Variants in NAV3 observed in about 807,000 individuals in gnomAD.
The protein encoded by NAV3 is pore membrane and/or filament interacting like protein 1.
In NAV3, 87 loss-of-function variants were observed where a neutral mutation model predicts 244.7. That is an observed-to-expected ratio of 0.36 (90% CI 0.30 to 0.42). The LOEUF (loss-of-function observed/expected upper bound fraction) is 0.42. NAV3 is among the 20% of genes least tolerant of loss of function. The pLI is 1.00. For missense variants in NAV3, 2,663 were observed against 2,893.3 expected, an observed-to-expected ratio of 0.92 and a Z score of 1.83; for synonymous variants, 1,126 against 1,042.2, an observed-to-expected ratio of 1.08 and a Z score of -1.55.
intron 9 of NAV3, among the ~76,000 whole-genome samples, chr12:78,026,646 CAATATTGAACT>C (rs1878107723): frequency 6.6e-6 from 1 of 152,042 alleles, no homozygotes; most frequent in South Asian, 2.1e-4. Context: ...TTAGATGACA[CAATATTGAACT>C]AACTATAAGA....
intron 2 of NAV3, among the ~76,000 whole-genome samples, chr12:77,671,591 G>A (rs1180938380): frequency 6.6e-6 from 1 of 152,116 alleles, no homozygotes; most frequent in Non-Finnish European, 1.5e-5. Flanking sequence ...ACAGAGTAGC[G>A]ATTCCAGAAA....
intron 2 of NAV3, among the ~76,000 whole-genome samples, chr12:77,805,332 A>G (rs1048202574): frequency 6.6e-6 from 1 of 152,118 alleles, no homozygotes; most frequent in African/African-American, 2.4e-5. Context: ...TTAGTTTGAG[A>G]TATGTTCCAT....
chr12:77,998,515 T>A, intron 7 of NAV3, 39 bp downstream of exon 7: 1 of 1,558,710 alleles, frequency 6.4e-7, no homozygotes, highest in Non-Finnish European at 8.7e-7. Flanking sequence ...AAGTCCAACA[T>A]GAGTCTTGTG....
At position 77,585,963 on chromosome 12, in the gene NAV3, C is replaced by T. The variant is rs190058449; in HGVS notation, c.72+13697C>T. Among the ~76,000 whole-genome samples, 379 of 152,256 alleles carry T rather than the reference C, an allele frequency of 2.5e-3. 2 individuals carry two copies. Among genetic ancestry groups the T allele is most frequent in the Non-Finnish European group, 2.8e-3 (188 of 68,010 alleles). On this transcript the variant is annotated intron_variant, in intron 2 of 8. Transcript: ENST00000550042. ...GGATCACGAGGTCAGGAGATCGAGA[C>T]CATCCTGGCGAACATGGTGAGACCC...
At chr12:78,150,891 G>C (rs956511381) in intron 22 of NAV3, among the ~76,000 whole-genome samples, 1 of 151,934 alleles carries the variant, frequency 6.6e-6, no homozygotes, top group Non-Finnish European at 1.5e-5. Flanking sequence ...CCAACAAAGG[G>C]TGAAAACAGG....
At chr12:77,884,265 A>T (rs1320347575) in intron 1 of NAV3, among the ~76,000 whole-genome samples, 5 of 152,130 alleles carry the variant, frequency 3.3e-5, no homozygotes, top group African/African-American at 1.2e-4. Flanking sequence ...GACAGATTAG[A>T]TGATGATTGA....
At chr12:77,815,756 C>G (rs985780343) in intron 2 of NAV3, among the ~76,000 whole-genome samples, 4 of 152,078 alleles carry the variant, frequency 2.6e-5, no homozygotes, top group African/African-American at 9.7e-5. Context: ...CCTTTCTGAA[C>G]AGTACACTGT....
chr12:78,041,356 G>A lies in NAV3; in HGVS notation c.2024-8637G>A, dbSNP rs1232056895. 3.3e-5 allele frequency among the ~76,000 whole-genome samples: 5 copies of A among 152,276 alleles called. No homozygotes were observed. In the East Asian group the frequency reaches 7.7e-4, roughly 23 times the overall value. On this transcript the variant is annotated intron_variant, in intron 9 of 39. Transcript: ENST00000397909. ...AAATTTACAGGCTGGCAGCACAATG[G>A]TGGCTGTTTCGTCAACCACCCAAAG... is the stretch of plus-strand genomic sequence containing the variant.
intron 30 of NAV3, among the ~76,000 whole-genome samples, chr12:78,182,561 A>G (rs1958543764): frequency 6.6e-6 from 1 of 151,960 alleles, no homozygotes; most frequent in African/African-American, 2.4e-5. Flanking sequence ...ACACATATAA[A>G]AAAAACTTAG....
rs113621704 is a variant in NAV3, at chr12:77,758,998, T to C, written c.73-181321T>C. Reference sequence around the variant, plus strand: ...TTCATAATTATTCTTTCAAAGCTGATGTGGTCTCAATTTGGGCTGGCCCCA... The same window carrying C: ...TTCATAATTATTCTTTCAAAGCTGACGTGGTCTCAATTTGGGCTGGCCCCA... On this transcript the variant is annotated intron_variant, in intron 2 of 8. Transcript: ENST00000550042. Among the ~76,000 whole-genome samples, 501 of 152,324 alleles carry C rather than the reference T, an allele frequency of 3.3e-3. 3 individuals carry two copies. The highest frequency in any genetic ancestry group is 0.024 in the Middle Eastern group (7 of 294).
chr12:78,128,577 T>C (rs1043310434), intron 17 of NAV3, 129 bp from the exon 18 acceptor site: 16 of 912,866 alleles, frequency 1.8e-5, no homozygotes, highest in Non-Finnish European at 2.4e-5. Context: ...AACTGAGCAA[T>C]TATAATTAGA....
chr12:77,959,151 T>C (rs1891640017), intron 3 of NAV3, among the ~76,000 whole-genome samples: 1 of 152,162 alleles, frequency 6.6e-6, no homozygotes, highest in African/African-American at 2.4e-5. Context: ...TAGTTGGAAG[T>C]TGTAATTTAC....
intron 18 of NAV3, among the ~76,000 whole-genome samples, chr12:78,134,469 T>C (rs1224890763): frequency 6.6e-6 from 1 of 152,204 alleles, no homozygotes; most frequent in African/African-American, 2.4e-5. Context: ...TATATCCAGA[T>C]TCTACAAAAT....
In NAV3 at chr12:78,177,263, T is replaced by C; in HGVS notation, c.5247T>C (p.Asn1749=). ...CGGCATCCCCCAAGTTACCCCATAATGCTGGTGACTGTGGCTCAGCATCCA... is the reference window on the plus strand; with the variant it reads ...CGGCATCCCCCAAGTTACCCCATAACGCTGGTGACTGTGGCTCAGCATCCA... The part of the protein sequence containing the change: ...SLPASPKLPH[N]AGDCGSASMK... The change falls in exon 27 of 40, where the codon AAT becomes AAC. Residue 1749 remains asparagine (N), a synonymous_variant. Transcript: ENST00000397909. The C allele has an allele frequency of 6.2e-7, 1 of 1,613,600 alleles. No homozygotes were observed. The highest frequency in any genetic ancestry group is 8.5e-7 in the Non-Finnish European group (1 of 1,179,674).
At chr12:77,590,097 A>G (rs1434334658) in intron 2 of NAV3, among the ~76,000 whole-genome samples, 1 of 152,180 alleles carries the variant, frequency 6.6e-6, no homozygotes, top group East Asian at 1.9e-4. Context: ...CTCTAAAAGG[A>G]AGAAAAAGTT....
At chr12:77,809,563 C>T (rs1204158556) in intron 2 of NAV3, among the ~76,000 whole-genome samples, 2 of 152,162 alleles carry the variant, frequency 1.3e-5, no homozygotes, top group African/African-American at 2.4e-5. Flanking sequence ...CAGAAATCAC[C>T]GGCCTTCTGC....
chr12:77,870,433 G>A (rs561507957), intron 1 of NAV3, among the ~76,000 whole-genome samples: 8 of 151,666 alleles, frequency 5.3e-5, no homozygotes, highest in South Asian at 2.1e-4. Context: ...AGAATATATA[G>A]GGGACAAATT....
chr12:77,961,226 A>G (rs1891923800), intron 3 of NAV3, among the ~76,000 whole-genome samples: 1 of 5,334 alleles, frequency 1.9e-4, no homozygotes, highest in Admixed American at 5.4e-3. Context: ...ATTACTATAT[A>G]TGTAATAATA....
At chr12:77,994,591 G>A (rs1872033004) in intron 5 of NAV3, among the ~76,000 whole-genome samples, 1 of 133,836 alleles carries the variant, frequency 7.5e-6, no homozygotes, top group Non-Finnish European at 1.6e-5. Context: ...TTATGACAAG[G>A]TGTGCACTGC....
Sources: allele counts gnomAD v4.1 joint callset (sites outside exome capture counted in the v4.1 genomes callset), GRCh38; gene constraint gnomAD v4.1.1; transcripts MANE v1.5; gene names NCBI Gene and HGNC (gene_info 2026-07-23, HGNC 2026-07-21).